The following ZNF350 variants were observed in gnomAD, a reference collection of about 807,000 sequenced individuals.
ZNF350 encodes the protein zinc finger protein 350.
A neutral mutation model predicts 13.1 loss-of-function variants in ZNF350; 5 were observed. The observed-to-expected ratio is 0.38, with a 90% CI of 0.20 to 0.80. The LOEUF is 0.80. Among genes scored for constraint, ZNF350 ranks in the 30% least tolerant of loss-of-function variants. ZNF350 has a pLI of 0.43. For synonymous variants in ZNF350, 199 were observed against 224.2 expected (o/e 0.89, Z 1.00); for missense variants, 534 against 644.2 (o/e 0.83, Z 1.85).
At chr19:51,974,158 T>C in intron 2 of ZNF350, 188 bp downstream of exon 2, 2 of 537,958 alleles carry the variant, frequency 3.7e-6, no homozygotes, top group Non-Finnish European at 6.4e-6. Context: ...TTAGTGTTAA[T>C]GCTATGAACA....
At chr19:51,978,755 T>C (rs1296941856) in intron 1 of ZNF350, among the ~76,000 whole-genome samples, 2 of 152,184 alleles carry the variant, frequency 1.3e-5, no homozygotes, top group Admixed American at 1.3e-4. Context: ...GGAGGCCAAC[T>C]ACCACCTCAA....
intron 1 of ZNF350, among the ~76,000 whole-genome samples, chr19:51,981,627 A>G (rs1462730703): frequency 3.3e-5 from 5 of 152,192 alleles, no homozygotes; most frequent in African/African-American, 1.2e-4. Context: ...GTTGGAGACA[A>G]TATGCCACAG....
At chr19:51,971,526 A>T (rs1376203000) in intron 2 of ZNF350, among the ~76,000 whole-genome samples, 1 of 152,144 alleles carries the variant, frequency 6.6e-6, no homozygotes, top group East Asian at 1.9e-4. Context: ...ATGTGAGCAA[A>T]CTCACCATTG....
chr19:51,979,453 A>G (rs1462384067), intron 1 of ZNF350, among the ~76,000 whole-genome samples: 1 of 152,154 alleles, frequency 6.6e-6, no homozygotes, highest in Non-Finnish European at 1.5e-5. Flanking sequence ...CATTAATTAT[A>G]CCACTCCACT....
At chr19:51,984,945 TAC>T (rs2086133130) in intron 1 of ZNF350, among the ~76,000 whole-genome samples, 1 of 152,154 alleles carries the variant, frequency 6.6e-6, no homozygotes, top group Non-Finnish European at 1.5e-5. Context: ...TCCACTGATA[TAC>T]AGAGTTTAAA....
chr19:51,965,908 T>C lies in ZNF350; in HGVS notation c.545A>G (p.Gln182Arg), dbSNP rs1297940130. The C allele has an allele frequency of 6.2e-7, 1 of 1,614,006 alleles. No individual in the cohort carries two copies. Among genetic ancestry groups the C allele is most frequent in the East Asian group, 2.2e-5 (1 of 44,894 alleles). The change falls in exon 5 of 5, where the codon CAA becomes CGA. Residue 182 changes from glutamine to arginine, a missense_variant. By Grantham distance (43) the Gln-to-Arg change is conservative (BLOSUM62 1). Coordinates refer to ENST00000243644, the MANE Select transcript of ZNF350 (RefSeq NM_021632.4). ...LHTAIKFPAS[Q>R]KLISTKSQFI... ...TTGGGACTTAGTGCTGATGAGTTTT[T>C]GACTTGCAGGGAATTTAATTGCAGT...
At chr19:51,971,545 G>A (rs1052660955) in intron 2 of ZNF350, among the ~76,000 whole-genome samples, 10 of 152,172 alleles carry the variant, frequency 6.6e-5, no homozygotes, top group Non-Finnish European at 1.0e-4. Context: ...TGCTCCTGCC[G>A]ACAGAAGGTT....
rs1702289359 is a variant in ZNF350 at position 51,982,523 on chromosome 19, A to AT, written c.-172+4246dup. Among the ~76,000 whole-genome samples the AT allele has an allele frequency of 3.3e-5, 5 of 152,356 alleles. No individual in the cohort carries two copies. In the South Asian group the frequency reaches 1.0e-3, roughly 32 times the overall value. On this transcript the variant is annotated intron_variant, in intron 1 of 4. Coordinates refer to ENST00000243644, the MANE Select transcript of ZNF350 (RefSeq NM_021632.4). ...TATTTTTAAAATTAGATTTACTGAG[A>AT]TAAATTTTAACAGTTTTAAATAAAT...
Position 51,965,788 on chromosome 19 carries a change from G to GT in ZNF350, c.664dup (p.Thr222AsnfsTer2), listed in dbSNP as rs747899569. On this transcript the variant is annotated frameshift_variant, in exon 5 of 5. Transcript: ENST00000243644. LOFTEE classifies it low-confidence loss of function (END_TRUNC). ...TCCTGTATGCATTACCTGGTGATCA[G>GT]TTAGCCAAGACTTCTTGATGAAGGC... 6.2e-7 allele frequency: 1 copy of GT among 1,613,824 alleles called. No homozygotes were observed. Among genetic ancestry groups the GT allele is most frequent in the Admixed American group, 1.7e-5 (1 of 59,990 alleles).
chr19:51,979,818 T>C (rs1169078899), intron 1 of ZNF350, among the ~76,000 whole-genome samples: 1 of 152,222 alleles, frequency 6.6e-6, no homozygotes, highest in East Asian at 1.9e-4. Flanking sequence ...TTCACTGGCA[T>C]TGGCGGCAAG....
At chr19:51,968,724 A>G in intron 3 of ZNF350, 51 bp from the exon 4 acceptor site, 3 of 1,564,506 alleles carry the variant, frequency 1.9e-6, no homozygotes, top group South Asian at 1.1e-5. Flanking sequence ...TGGGCTGGCA[A>G]TGTCAAGAAG....
At chr19:51,981,746 G>A (rs1026099532) in intron 1 of ZNF350, among the ~76,000 whole-genome samples, 1 of 152,122 alleles carries the variant, frequency 6.6e-6, no homozygotes, top group African/African-American at 2.4e-5. Context: ...GAAAAGAGGT[G>A]AAATTTGGCT....
rs369590801 is a variant in ZNF350, at chr19:51,977,795, C to T, written c.-171-3264G>A. Among the ~76,000 whole-genome samples the T allele has an allele frequency of 3.4e-3, 517 of 152,324 alleles. 2 individuals are homozygous for T. The highest frequency in any genetic ancestry group is 0.014 in the Middle Eastern group (4 of 294). On this transcript the variant is annotated intron_variant, in intron 1 of 4. Coordinates refer to ENST00000243644, the MANE Select transcript of ZNF350 (RefSeq NM_021632.4). ...TGGCACCAGTGAGGTGTACAAAAAACTTGGGAAATTTTCTCAGAGCTTGTC... is the reference window on the plus strand; with the variant it reads ...TGGCACCAGTGAGGTGTACAAAAAATTTGGGAAATTTTCTCAGAGCTTGTC...
At position 51,966,240 on chromosome 19, in the gene ZNF350, T is replaced by TATCA. The variant is rs776657489; in HGVS notation, c.239-30_239-27dup. On this transcript the variant is annotated intron_variant, in intron 4 of 4. Coordinates refer to ENST00000243644, the MANE Select transcript of ZNF350 (RefSeq NM_021632.4). ...CTAGAAAGAAAAGAACAAAGATTTCTATCATTTAGATTTGGGGTAAAAGTT... is the reference window on the plus strand; with the variant it reads ...CTAGAAAGAAAAGAACAAAGATTTCTATCAATCATTTAGATTTGGGGTAAAAGTT... 6 of 1,529,672 alleles carry TATCA rather than the reference T, an allele frequency of 3.9e-6. No individual in the cohort carries two copies. In the Middle Eastern group the frequency reaches 7.0e-4, roughly 180 times the overall value. 94.8% of individuals were successfully genotyped at this position (1,529,672 alleles called of 1,614,324 possible).
intron 1 of ZNF350, chr19:51,981,270 C>T (rs1335248993): frequency 6.6e-6 from 1 of 151,414 alleles, no homozygotes; most frequent in Non-Finnish European, 1.5e-5. Flanking sequence ...CCCCCACCCT[C>T]CTATCTCTTT....
intron 1 of ZNF350, among the ~76,000 whole-genome samples, chr19:51,975,090 C>T (rs572534195): frequency 2.6e-5 from 4 of 152,180 alleles, no homozygotes; most frequent in Non-Finnish European, 5.9e-5. Context: ...TTGACGTGCT[C>T]TAAGGTTTCT....
chr19:51,983,603 A>T lies in ZNF350; in HGVS notation c.-172+3167T>A, dbSNP rs996895366. Among the ~76,000 whole-genome samples, 5 of 152,208 alleles carry T rather than the reference A, an allele frequency of 3.3e-5. No individual in the cohort carries two copies. The East Asian group carries it at 9.6e-4, about 29-fold the overall frequency. On this transcript the variant is annotated intron_variant, in intron 1 of 4. Transcript: ENST00000243644. ...TACACTAAGATGTCTGTGTAAAGTC[A>T]AACATAAATCTGGCCTACGTACACA...
chr19:51,974,793 C>G (rs1165080813), intron 1 of ZNF350: 1 of 156,938 alleles, frequency 6.4e-6, no homozygotes, highest in African/African-American at 2.4e-5. Flanking sequence ...ATAGCACCAG[C>G]CTCAGGAGAT....
Position 51,965,828 on chromosome 19 carries a change from T to G in ZNF350, c.625A>C (p.Ser209Arg), listed in dbSNP as rs750129266. The part of the protein sequence containing the change: ...TRKLEKHHVC[S>R]ECGKAFIKKS... ...TTGATGAAGGCTTTCCCACATTCACTGCACACATGATGCTTCTCTAATTTT... is the reference window on the plus strand; with the variant it reads ...TTGATGAAGGCTTTCCCACATTCACGGCACACATGATGCTTCTCTAATTTT... Residue 209 changes from serine (S) to arginine (R), a missense_variant, in exon 5 of 5, where the codon AGT becomes CGT. Physicochemically the swap from Ser to Arg is moderately radical, Grantham distance 110. Coordinates refer to ENST00000243644, the MANE Select transcript of ZNF350 (RefSeq NM_021632.4). 1.2e-6 allele frequency: 2 copies of G among 1,614,186 alleles called. No individual in the cohort carries two copies. Among genetic ancestry groups the G allele is most frequent in the African/African-American group, 1.3e-5 (1 of 75,062 alleles).
Sources: gnomAD v4.1 joint callset for allele counts (sites outside exome capture counted in the v4.1 genomes callset) on GRCh38, gnomAD v4.1.1 for gene constraint, MANE v1.5 for transcripts, NCBI Gene and HGNC (gene_info 2026-07-23, HGNC 2026-07-21) for gene names.